Variants in MTOR observed in about 807,000 individuals in gnomAD.
MTOR encodes the protein mechanistic target of rapamycin kinase, also known as serine/threonine-protein kinase mTOR.
MTOR carries 70 observed loss-of-function variants against 319.8 expected under a neutral mutation model. That is an observed-to-expected ratio of 0.22 (90% CI 0.18 to 0.27). MTOR has a LOEUF of 0.27. Ranked by LOEUF, MTOR falls within the 10% of genes least tolerant of loss-of-function variation. The pLI, the probability that MTOR is intolerant of heterozygous loss-of-function variation, is 1.00. For synonymous variants in MTOR, 1,183 were observed against 1,211.4 expected (o/e 0.98, Z 0.49); for missense variants, 1,890 against 3,274.4 (o/e 0.58, Z 10.32).
At chr1:11,237,651 A>T (rs956703743) in intron 13 of MTOR, among the ~76,000 whole-genome samples, 192 bp downstream of exon 13, 1 of 152,166 alleles carries the variant, frequency 6.6e-6, no homozygotes, top group Non-Finnish European at 1.5e-5. Context: ...CAAAGGGCTC[A>T]TGAGGTGATG....
intron 54 of MTOR, among the ~76,000 whole-genome samples, chr1:11,110,639 G>T (rs566209270): frequency 2.0e-5 from 3 of 152,090 alleles, no homozygotes; most frequent in Non-Finnish European, 4.4e-5. Flanking sequence ...CAGGTGATCC[G>T]CCTGCCTGGG....
intron 28 of MTOR, among the ~76,000 whole-genome samples, chr1:11,188,706 A>G (rs770982736): frequency 6.6e-6 from 1 of 152,238 alleles, no homozygotes; most frequent in African/African-American, 2.4e-5. Context: ...ATGTAAAAAG[A>G]CAACTGTCCA....
At chr1:11,178,681 C>A (rs1002449957) in intron 28 of MTOR, among the ~76,000 whole-genome samples, 3 of 152,092 alleles carry the variant, frequency 2.0e-5, no homozygotes, top group East Asian at 1.9e-4. Context: ...AGAGAGACTA[C>A]TAGAAAGAAG....
At chr1:11,166,871 T>C (rs1644660723) in intron 29 of MTOR, among the ~76,000 whole-genome samples, 1 of 151,898 alleles carries the variant, frequency 6.6e-6, no homozygotes, top group Non-Finnish European at 1.5e-5. Flanking sequence ...ATAGACTGGA[T>C]TAAGAAAATG....
intron 19 of MTOR, among the ~76,000 whole-genome samples, chr1:11,216,824 T>C (rs979634535): frequency 2.0e-5 from 3 of 152,120 alleles, no homozygotes; most frequent in Non-Finnish European, 4.4e-5. Flanking sequence ...ATGGAGATAA[T>C]AATACTTACC....
At chr1:11,126,520 G>C in intron 46 of MTOR, 102 bp downstream of exon 46, 1 of 1,294,026 alleles carries the variant, frequency 7.7e-7, no homozygotes, top group East Asian at 2.4e-5. Flanking sequence ...AGCTATGATA[G>C]GTGAGTAGTG....
At chr1:11,170,012 C>T (rs1460139167) in intron 28 of MTOR, among the ~76,000 whole-genome samples, 2 of 152,168 alleles carry the variant, frequency 1.3e-5, no homozygotes, top group South Asian at 2.1e-4. Context: ...GTCCAGTATC[C>T]AGTTTCTAGG....
At chr1:11,130,971 AACT>A in intron 38 of MTOR, 194 bp from the exon 39 acceptor site, 1 of 683,840 alleles carries the variant, frequency 1.5e-6, no homozygotes, top group Non-Finnish European at 2.4e-6. Context: ...GTGGAGCACT[AACT>A]ATATAACGTA....
At chr1:11,143,093 A>T (rs1643793176) in intron 34 of MTOR, among the ~76,000 whole-genome samples, 1 of 152,174 alleles carries the variant, frequency 6.6e-6, no homozygotes, top group Non-Finnish European at 1.5e-5. Flanking sequence ...GACAACAATG[A>T]TTTCGAAAGT....
At chr1:11,201,901 G>A (rs1557837560) in intron 26 of MTOR, among the ~76,000 whole-genome samples, 1 of 152,066 alleles carries the variant, frequency 6.6e-6, no homozygotes, top group African/African-American at 2.4e-5. Flanking sequence ...CTAAACTCCT[G>A]GACTCAAGTA....
intron 28 of MTOR, chr1:11,194,654 G>A (rs781519687): frequency 8.7e-6 from 14 of 1,614,160 alleles, no homozygotes; most frequent in Non-Finnish European, 9.3e-6. Flanking sequence ...GCACAGCTCC[G>A]CAAAGGTGAG....
Position 11,129,532 on chromosome 1 carries a change from C to T in MTOR, c.5714+206G>A, listed in dbSNP as rs150709093. On this transcript the variant is annotated intron_variant, in intron 40 of 57. Transcript: ENST00000361445. This position sits in a 1 kb window ranked among gnomAD's most constrained non-coding sequence, Gnocchi z 4.7. ...CACATGGAGAGTTCTCACTCCACTT[C>T]TCCTCCTCACTCTCTGTAGGTTTCA... Among the ~76,000 whole-genome samples, 30 of 152,354 alleles carry T rather than the reference C, an allele frequency of 2.0e-4. No individual in the cohort carries two copies. The highest frequency in any genetic ancestry group is 1.6e-3 in the Admixed American group (24 of 15,308).
intron 20 of MTOR, among the ~76,000 whole-genome samples, chr1:11,214,522 CA>C (rs1176546585): frequency 1.8e-4 from 27 of 151,786 alleles, no homozygotes; most frequent in Admixed American, 1.7e-3. Context: ...CTAATGATGG[CA>C]ACACATGAAT....
At chr1:11,114,670 A>G (rs1642070552) in intron 52 of MTOR, 143 bp downstream of exon 52, 1 of 1,033,756 alleles carries the variant, frequency 9.7e-7, no homozygotes, top group Non-Finnish European at 1.4e-6. Flanking sequence ...GGTCATTTCT[A>G]ACACAATAGG....
intron 28 of MTOR, chr1:11,194,464 T>C (rs1226798491): frequency 1.2e-6 from 2 of 1,613,924 alleles, no homozygotes; most frequent in East Asian, 2.2e-5. Context: ...CTGACAGGAC[T>C]GGGAGGGCAA....
intron 29 of MTOR, among the ~76,000 whole-genome samples, chr1:11,158,782 G>A (rs987363136): frequency 1.3e-5 from 2 of 152,024 alleles, no homozygotes; most frequent in Admixed American, 6.6e-5. Flanking sequence ...ACAAGCAGAG[G>A]GGAGAGGGGG....
chr1:11,115,432 C>G lies in MTOR; in HGVS notation c.7053G>C (p.Gly2351=). ...CCCCAAAGTCAATGTGCAGGATCTT[C>G]CCACTCAGACGGTCCAGCATCAGGT... ...PSNLMLDRLS[G]KILHIDFGDC... Residue 2351 remains glycine (G), a synonymous_variant, in exon 51 of 58, where the codon GGG becomes GGC. Coordinates refer to ENST00000361445, the MANE Select transcript of MTOR (RefSeq NM_004958.4). The surrounding 1 kb of genome is among the most constrained non-coding windows in gnomAD (Gnocchi z 4.5). The G allele has an allele frequency of 1.2e-6, 2 of 1,614,202 alleles. 1 individual carries two copies. The highest frequency in any genetic ancestry group is 2.2e-5 in the South Asian group (2 of 91,084).
intron 13 of MTOR, among the ~76,000 whole-genome samples, chr1:11,237,066 T>C (rs1472923775): frequency 6.6e-6 from 1 of 152,196 alleles, no homozygotes; most frequent in African/African-American, 2.4e-5. Context: ...TTATATGTTA[T>C]AAAAAGTGTT....
At chr1:11,174,959 G>C (rs1183517634) in intron 28 of MTOR, among the ~76,000 whole-genome samples, 1 of 152,188 alleles carries the variant, frequency 6.6e-6, no homozygotes, top group East Asian at 1.9e-4. Context: ...AAGAAACTGA[G>C]GCTTGTCAGC....
Sources: gnomAD v4.1 joint callset for allele counts (sites outside exome capture counted in the v4.1 genomes callset) on GRCh38, gnomAD v4.1.1 for gene constraint, Gnocchi (gnomAD v3.1) non-coding constraint, MANE v1.5 for transcripts, NCBI Gene and HGNC (gene_info 2026-07-23, HGNC 2026-07-21) for gene names.